DPH6: variants seen among roughly 807,000 people sequenced by gnomAD.
DPH6 encodes diphthamine biosynthesis 6.
In DPH6, 33 loss-of-function variants were observed where a neutral mutation model predicts 38.2. That is an observed-to-expected ratio of 0.86 (90% CI 0.65 to 1.15). DPH6 has a LOEUF of 1.15. Ranked by LOEUF, DPH6 falls within the 50% of genes most tolerant of loss-of-function variation. The pLI is 0.00. For synonymous variants in DPH6, 108 were observed against 103.0 expected (o/e 1.05, Z -0.30); for missense variants, 325 against 320.0 (o/e 1.02, Z -0.12).
chr15:35,334,966 A>C (rs2052357672), intron 3 of DPH6, among the ~76,000 whole-genome samples: 3 of 152,272 alleles, frequency 2.0e-5, no homozygotes, highest in Non-Finnish European at 4.4e-5. Context: ...TAGGTCTTTG[A>C]GAAATTGCCA....
intron 3 of DPH6, among the ~76,000 whole-genome samples, chr15:35,350,700 A>G (rs1180588291): frequency 6.6e-6 from 1 of 152,160 alleles, no homozygotes; most frequent in East Asian, 1.9e-4. Flanking sequence ...TTCATTCATC[A>G]TTCAAGAGTG....
At position 35,241,336 on chromosome 15, in the gene DPH6, G is replaced by C. The variant is rs374562677; in HGVS notation, n.201-20754C>G. ...CACAGTGGAAGGTTAAGTCCGTCCC[G>C]TTCTTAATCAATACGGAGGCTACCC... On this transcript the variant is annotated intron_variant and non_coding_transcript_variant, in intron 3 of 3. Transcript: ENST00000560386. Among the ~76,000 whole-genome samples the C allele has an allele frequency of 2.1e-4, 29 of 141,354 alleles. 6 individuals carry two copies. The highest frequency in any genetic ancestry group is 6.7e-4 in the East Asian group (3 of 4,488). The allele number at this position is 141,354 out of a possible 152,430, so 92.7% of individuals were successfully genotyped here.
At chr15:35,450,983 T>C (rs2053926033) in intron 4 of DPH6, among the ~76,000 whole-genome samples, 180 bp from the exon 5 acceptor site, 1 of 152,148 alleles carries the variant, frequency 6.6e-6, no homozygotes, top group Non-Finnish European at 1.5e-5. Context: ...TTAATTTCCA[T>C]GGGTTATGCA....
the DPH6 span, among the ~76,000 whole-genome samples, chr15:35,202,573 T>C: frequency 6.6e-6 from 1 of 151,766 alleles, no homozygotes; most frequent in Non-Finnish European, 1.5e-5. Flanking sequence ...TGACCCAACT[T>C]ATCATATTCT....
Position 35,443,386 on chromosome 15 carries a change from T to C in DPH6, c.505+7299A>G, listed in dbSNP as rs1595566931. On this transcript the variant is annotated intron_variant, in intron 5 of 8. Coordinates refer to ENST00000256538, the MANE Select transcript of DPH6 (RefSeq NM_080650.4). The stretch of plus-strand genomic sequence containing the variant: ...GACTTTTCTCTGCCCCAGCTCTTAC[T>C]CCAGGAGCAAGGTGATGAGAAAGAG... 2.0e-5 allele frequency among the ~76,000 whole-genome samples: 3 copies of C among 152,268 alleles called. No homozygotes were observed. In the South Asian group the frequency reaches 6.2e-4, roughly 32 times the overall value.
chr15:35,463,594 C>T (rs527913875), intron 3 of DPH6, among the ~76,000 whole-genome samples: 1 of 152,178 alleles, frequency 6.6e-6, no homozygotes, highest in Admixed American at 6.5e-5. Context: ...AAAGTACATA[C>T]TAAAATATGT....
intron 3 of DPH6, among the ~76,000 whole-genome samples, chr15:35,303,781 CT>C (rs1214616548): frequency 6.7e-6 from 1 of 150,354 alleles, no homozygotes; most frequent in African/African-American, 2.4e-5. Flanking sequence ...ATATAGTCAT[CT>C]TTTTTCCCCT....
At chr15:35,540,379 C>A in intron 2 of DPH6, among the ~76,000 whole-genome samples, 1 of 152,076 alleles carries the variant, frequency 6.6e-6, no homozygotes, top group East Asian at 1.9e-4. Context: ...TTTCACACCA[C>A]CCATTGAAAA....
At position 35,431,280 on chromosome 15, in the gene DPH6, G is replaced by C. The variant is rs151050669; in HGVS notation, c.505+19405C>G. On this transcript the variant is annotated intron_variant, in intron 5 of 8. Transcript: ENST00000256538. Reference sequence around the variant, plus strand: ...AATAATGTGTGTAATATGTTAAACTGTTCAAGAAACTTTTGTACCTATGGC... The same window carrying C: ...AATAATGTGTGTAATATGTTAAACTCTTCAAGAAACTTTTGTACCTATGGC... Among the ~76,000 whole-genome samples, 4 of 152,262 alleles carry C rather than the reference G, an allele frequency of 2.6e-5. No homozygotes were observed. In the East Asian group the frequency reaches 7.7e-4, roughly 29 times the overall value.
intron 3 of DPH6, among the ~76,000 whole-genome samples, chr15:35,464,046 A>G (rs2054097238): frequency 6.6e-6 from 1 of 152,200 alleles, no homozygotes; most frequent in Admixed American, 6.5e-5. Context: ...ATGTAATCTC[A>G]GCACTTTGGG....
intron 3 of DPH6, among the ~76,000 whole-genome samples, chr15:35,272,605 C>A (rs561538540): frequency 1.3e-5 from 2 of 152,016 alleles, no homozygotes; most frequent in African/African-American, 4.8e-5. Flanking sequence ...CCTGTGAGAT[C>A]TGATTGTTTA....
intron 3 of DPH6, among the ~76,000 whole-genome samples, chr15:35,354,119 C>A (rs547413495): frequency 1.3e-5 from 2 of 152,078 alleles, no homozygotes; most frequent in African/African-American, 4.8e-5. Flanking sequence ...GTGATTTTTG[C>A]ACATTGATTT....
intron 3 of DPH6, among the ~76,000 whole-genome samples, chr15:35,230,336 C>T (rs552523042): frequency 6.6e-6 from 1 of 152,308 alleles, no homozygotes; most frequent in East Asian, 1.9e-4. Context: ...GCCAGACTAC[C>T]ACCAATGTTC....
chr15:35,286,332 A>G (rs1402112005), intron 3 of DPH6, among the ~76,000 whole-genome samples: 2 of 152,164 alleles, frequency 1.3e-5, no homozygotes, highest in African/African-American at 4.8e-5. Flanking sequence ...ATTTTCTGAG[A>G]CTCATTCGCA....
intron 3 of DPH6, among the ~76,000 whole-genome samples, chr15:35,296,398 TTA>T (rs888575473): frequency 5.3e-5 from 8 of 152,228 alleles, no homozygotes; most frequent in African/African-American, 1.7e-4. Context: ...TCTAAAATTT[TTA>T]TATCTCTTTC....
At chr15:35,170,906 G>A in the DPH6 span, among the ~76,000 whole-genome samples, 2 of 152,066 alleles carry the variant, frequency 1.3e-5, no homozygotes, top group South Asian at 4.1e-4. Context: ...CTTTCTTTTC[G>A]CCTTTCTAAT....
intron 3 of DPH6, among the ~76,000 whole-genome samples, chr15:35,479,052 G>A (rs1161464122): frequency 6.6e-6 from 1 of 151,964 alleles, no homozygotes; most frequent in Non-Finnish European, 1.5e-5. Context: ...AAGCAGAACA[G>A]GAGTCTCAAA....
the DPH6 span, among the ~76,000 whole-genome samples, chr15:35,198,799 C>T: frequency 6.6e-5 from 10 of 152,084 alleles, no homozygotes; most frequent in African/African-American, 1.4e-4. Context: ...ATATAGGTAG[C>T]GTCTTACTAT....
chr15:35,475,940 T>C (rs1367307054), intron 3 of DPH6, among the ~76,000 whole-genome samples: 1 of 151,606 alleles, frequency 6.6e-6, no homozygotes, highest in Non-Finnish European at 1.5e-5. Flanking sequence ...GAATTAATAA[T>C]ACAAAACAGT....
Sources: gnomAD v4.1 joint callset for allele counts (sites outside exome capture counted in the v4.1 genomes callset) on GRCh38, gnomAD v4.1.1 for gene constraint, MANE v1.5 for transcripts, NCBI Gene and HGNC (gene_info 2026-07-23, HGNC 2026-07-21) for gene names.